The following CDH12 variants were observed in gnomAD, a reference collection of about 807,000 sequenced individuals.
CDH12 encodes the protein cadherin-12.
A neutral mutation model predicts 74.1 loss-of-function variants in CDH12; 41 were observed. The ratio of observed to expected loss-of-function variants is 0.55; its 90% CI spans 0.43 to 0.72. The LOEUF (loss-of-function observed/expected upper bound fraction) is 0.72. Among genes scored for constraint, CDH12 ranks in the 30% least tolerant of loss-of-function variants. The pLI, the probability that CDH12 is intolerant of heterozygous loss-of-function variation, is 0.00. For synonymous variants in CDH12, 399 were observed against 355.0 expected, an observed-to-expected ratio of 1.12 and a Z score of -1.39; for missense variants, 945 against 977.2, an observed-to-expected ratio of 0.97 and a Z score of 0.44.
At chr5:22,157,830 C>T (rs1748118152) in intron 4 of CDH12, among the ~76,000 whole-genome samples, 1 of 152,010 alleles carries the variant, frequency 6.6e-6, no homozygotes. Flanking sequence ...TTAAATCTCA[C>T]ATACTTTTAA....
chr5:21,766,662 T>C (rs561284105), intron 11 of CDH12, among the ~76,000 whole-genome samples: 3 of 151,938 alleles, frequency 2.0e-5, no homozygotes, highest in Non-Finnish European at 4.4e-5. Context: ...GTTATTGCTA[T>C]CCATTATTTA....
At chr5:21,825,348 T>A (rs920885255) in intron 8 of CDH12, among the ~76,000 whole-genome samples, 1 of 152,174 alleles carries the variant, frequency 6.6e-6, no homozygotes, top group South Asian at 2.1e-4. Flanking sequence ...TAAGCATTCT[T>A]TCAATTGAAG....
chr5:22,343,301 C>CACACACACAG (rs1399930826), intron 3 of CDH12, among the ~76,000 whole-genome samples: 3 of 133,528 alleles, frequency 2.2e-5, no homozygotes, highest in African/African-American at 9.0e-5. Flanking sequence ...CACACACACA[C>CACACACACAG]ACACACACAC....
intron 3 of CDH12, among the ~76,000 whole-genome samples, chr5:22,308,092 G>A (rs564127234): frequency 8.8e-4 from 134 of 151,850 alleles, no homozygotes; most frequent in Admixed American, 2.4e-3. Context: ...ACGTTAGCCA[G>A]GATGGTCTTG....
chr5:22,381,930 T>C (rs1183021741), intron 3 of CDH12, among the ~76,000 whole-genome samples: 1 of 150,264 alleles, frequency 6.7e-6, no homozygotes, highest in Non-Finnish European at 1.5e-5. Context: ...AATATATATA[T>C]ATATTTCTAT....
At chr5:22,470,380 A>C (rs1745906366) in intron 2 of CDH12, among the ~76,000 whole-genome samples, 1 of 149,510 alleles carries the variant, frequency 6.7e-6, no homozygotes, top group Non-Finnish European at 1.5e-5. Context: ...CATTTAATGA[A>C]TGATTGTTAC....
At chr5:21,909,783 A>G (rs190653464) in intron 6 of CDH12, among the ~76,000 whole-genome samples, 3 of 152,326 alleles carry the variant, frequency 2.0e-5, no homozygotes, top group Admixed American at 2.0e-4. Flanking sequence ...TTCAGAATGA[A>G]GGACAATTTA....
At chr5:22,617,980 G>C (rs974766479) in intron 1 of CDH12, among the ~76,000 whole-genome samples, 2 of 151,994 alleles carry the variant, frequency 1.3e-5, no homozygotes, top group Admixed American at 1.3e-4. Flanking sequence ...GAATACATAA[G>C]ATAAATTATG....
chr5:22,799,623 T>A (rs1458182716), intron 1 of CDH12, among the ~76,000 whole-genome samples: 4 of 152,326 alleles, frequency 2.6e-5, no homozygotes, highest in East Asian at 3.9e-4. Context: ...TTTAATTGAC[T>A]TATTGCAGTT....
intron 12 of CDH12, among the ~76,000 whole-genome samples, chr5:21,764,378 TAAATAAATAAATAC>T (rs1372919884): frequency 4.5e-5 from 6 of 134,506 alleles, no homozygotes; most frequent in African/African-American, 1.7e-4. Flanking sequence ...TGTCTCAAAA[TAAATAAATAAATAC>T]AAATTAAAAA....
intron 1 of CDH12, among the ~76,000 whole-genome samples, chr5:22,742,709 A>G (rs927617732): frequency 6.7e-6 from 1 of 149,720 alleles, no homozygotes; most frequent in Non-Finnish European, 1.5e-5. Flanking sequence ...GAACAAGTAC[A>G]TTTATATATT....
chr5:22,480,833 A>G (rs909120463), intron 2 of CDH12, among the ~76,000 whole-genome samples: 1 of 152,178 alleles, frequency 6.6e-6, no homozygotes, highest in African/African-American at 2.4e-5. Context: ...TTAAAAGTTT[A>G]TTCTTCATCA....
At chr5:22,750,137 G>C (rs1745491904) in intron 1 of CDH12, among the ~76,000 whole-genome samples, 1 of 152,100 alleles carries the variant, frequency 6.6e-6, no homozygotes, top group Non-Finnish European at 1.5e-5. Context: ...TTTATGTTGA[G>C]GAAGTAAAAT....
chr5:22,286,678 C>CT (rs56379593), intron 3 of CDH12, among the ~76,000 whole-genome samples: 3 of 145,848 alleles, frequency 2.1e-5, no homozygotes, highest in African/African-American at 7.5e-5. Context: ...TCTTTCTTTC[C>CT]TTTTTTTTTT....
intron 3 of CDH12, among the ~76,000 whole-genome samples, chr5:22,300,300 A>G (rs1737821147): frequency 6.6e-6 from 1 of 152,186 alleles, no homozygotes; most frequent in Non-Finnish European, 1.5e-5. Context: ...GGAATCCACC[A>G]TATGTATGCA....
At chr5:22,599,431 C>G (rs1222546598) in intron 1 of CDH12, among the ~76,000 whole-genome samples, 1 of 152,178 alleles carries the variant, frequency 6.6e-6, no homozygotes, top group African/African-American at 2.4e-5. Context: ...ATAATGCCCT[C>G]TGGCCACTGC....
intron 4 of CDH12, among the ~76,000 whole-genome samples, chr5:22,103,314 G>A (rs1744255112): frequency 7.6e-6 from 1 of 131,554 alleles, no homozygotes. Flanking sequence ...TATGATAGGT[G>A]AAAAATAGGT....
intron 3 of CDH12, among the ~76,000 whole-genome samples, chr5:22,323,543 A>AT (rs1338100407): frequency 1.3e-5 from 2 of 152,172 alleles, no homozygotes; most frequent in Non-Finnish European, 2.9e-5. Flanking sequence ...ATTGGCATAA[A>AT]TTGTTTAATA....
At chr5:21,791,365 A>G (rs77474315) in intron 10 of CDH12, among the ~76,000 whole-genome samples, 123 of 152,192 alleles carry the variant, frequency 8.1e-4, no homozygotes, top group African/African-American at 2.6e-3. Flanking sequence ...TCTTAAAGGC[A>G]TAGAAATTTT....
Sources: gnomAD v4.1 joint callset for allele counts (sites outside exome capture counted in the v4.1 genomes callset) on GRCh38, gnomAD v4.1.1 for gene constraint, MANE v1.5 for transcripts, NCBI Gene and HGNC (gene_info 2026-07-23, HGNC 2026-07-21) for gene names.